The following RPGR variants were observed in gnomAD, a reference collection of about 807,000 sequenced individuals.
RPGR encodes the protein retinitis pigmentosa GTPase regulator.
In RPGR, 10 loss-of-function variants were observed where a neutral mutation model predicts 56.3. The ratio of observed to expected loss-of-function variants is 0.18; its 90% confidence interval spans 0.11 to 0.30. The LOEUF (loss-of-function observed/expected upper bound fraction) is 0.30. RPGR is among the 10% of genes least tolerant of loss of function. The probability of loss-of-function intolerance (pLI) is 1.00; values close to 1 mark genes in which losing one functional copy is unlikely to be tolerated. For synonymous variants in RPGR, 197 were observed against 212.9 expected (o/e 0.93, Z 0.65); for missense variants, 538 against 590.9 (o/e 0.91, Z 0.93).
chrX:38,298,105 T>C (rs893709075), intron 10 of RPGR, among the ~76,000 whole-genome samples: 5 of 109,192 alleles, frequency 4.6e-5, no homozygotes, highest in Admixed American at 3.9e-4. Context: ...CCGTCTCTCC[T>C]AAAAATACAA....
intron 15 of RPGR, chrX:38,284,969 C>A: frequency 9.3e-6 from 7 of 755,701 alleles, no homozygotes; most frequent in Non-Finnish European, 1.1e-5. Flanking sequence ...ACACAGCTGT[C>A]ACTTTGTAGA....
chrX:38,274,437 T>C (rs1401841420), intron 17 of RPGR, among the ~76,000 whole-genome samples: 1 of 112,118 alleles, frequency 8.9e-6, no homozygotes, highest in Non-Finnish European at 1.9e-5. Context: ...GCACTAGAGA[T>C]ATAAATTGGA....
intron 6 of RPGR, among the ~76,000 whole-genome samples, chrX:38,317,012 T>C (rs1366230775): frequency 9.0e-6 from 1 of 111,112 alleles, no homozygotes; most frequent in Admixed American, 9.6e-5. Context: ...ACAGAAAAGG[T>C]TGCCAGTGGG....
intron 6 of RPGR, among the ~76,000 whole-genome samples, chrX:38,311,059 A>G (rs2067707216): frequency 8.9e-6 from 1 of 112,539 alleles, no homozygotes; most frequent in Non-Finnish European, 1.9e-5. Context: ...TTACTTACTT[A>G]AAGCTCCCAT....
At chrX:38,275,537 C>T (rs2066918827) in intron 16 of RPGR, among the ~76,000 whole-genome samples, 1 of 112,045 alleles carries the variant, frequency 8.9e-6, no homozygotes, top group Admixed American at 9.5e-5. Flanking sequence ...ATCATTTTCT[C>T]CTTCTGAAAT....
At chrX:38,270,458 C>CAAAAAAAAAAAAAAAA (rs771458538) in intron 18 of RPGR, among the ~76,000 whole-genome samples, 4 of 76,470 alleles carry the variant, frequency 5.2e-5, no homozygotes, top group Admixed American at 1.6e-4. Flanking sequence ...ACTACAAATA[C>CAAAAAAAAAAAAAAAA]AAAAAAAAAA....
chrX:38,287,818 C>A, intron 14 of RPGR, 43 bp downstream of exon 14: 12 of 1,125,592 alleles, frequency 1.1e-5, no homozygotes, highest in Non-Finnish European at 1.5e-5. Context: ...TAAACCCTCT[C>A]CATCAGTGTC....
At chrX:38,326,981 C>A in intron 1 of RPGR, 1 of 190,920 alleles carries the variant, frequency 5.2e-6, no homozygotes, top group Non-Finnish European at 9.6e-6. Context: ...CGCCTGAACC[C>A]GGGATGCGGA....
chrX:38,269,665 T>C lies in RPGR; in HGVS notation c.2409A>G (p.Thr803=). 3 of 1,208,816 alleles carry C rather than the reference T, an allele frequency of 2.5e-6. No homozygotes were observed. The highest frequency in any genetic ancestry group is 3.4e-6 in the Non-Finnish European group (3 of 892,782). ...AGGATTTTGATCTTCTCTCTGTATT[T>C]GTTGGTGGGATATTCTGATGATTCT... The change falls in exon 19 of 19, where the codon ACA becomes ACG. Residue 803 remains threonine, a synonymous_variant. Coordinates refer to ENST00000642395, the MANE Select transcript of RPGR (RefSeq NM_000328.3).
chrX:38,319,099 C>A, intron 4 of RPGR, 112 bp from the exon 5 acceptor site: 1 of 777,748 alleles, frequency 1.3e-6, no homozygotes, highest in South Asian at 2.3e-5. Context: ...TGAAAGCTAT[C>A]ACTATCCTAT....
chrX:38,293,130 C>T (rs748640267), intron 11 of RPGR, among the ~76,000 whole-genome samples: 1 of 111,723 alleles, frequency 9.0e-6, no homozygotes, highest in Non-Finnish European at 1.9e-5. Flanking sequence ...TTGTTCTTTC[C>T]ACTAAGTTAG....
At chrX:38,292,420 AT>A (rs2067299679) in intron 11 of RPGR, among the ~76,000 whole-genome samples, 1 of 112,114 alleles carries the variant, frequency 8.9e-6, no homozygotes, top group South Asian at 3.7e-4. Flanking sequence ...TTGACTTTAC[AT>A]TTTTCTCAGT....
chrX:38,289,478 TA>T (rs748907243), intron 13 of RPGR, among the ~76,000 whole-genome samples: 216 of 112,429 alleles, frequency 1.9e-3, no homozygotes, highest in African/African-American at 6.9e-3. Flanking sequence ...ATTGTTGATC[TA>T]AATTCTACAA....
Position 38,309,425 on chromosome X carries a change from C to T in RPGR, c.778+1190G>A, listed in dbSNP as rs751399186. Among the ~76,000 whole-genome samples, 26 of 112,257 alleles carry T rather than the reference C, an allele frequency of 2.3e-4. No individual in the cohort carries two copies. In the East Asian group the frequency reaches 6.6e-3, roughly 29 times the overall value. On this transcript the variant is annotated intron_variant, in intron 7 of 18. Transcript: ENST00000642395. ...AACAAAAAGCTTCTCCAAAAGAAGG[C>T]ATTTCAGGAAAAATGTCAATTTTAG... is the stretch of plus-strand genomic sequence containing the variant.
intron 14 of RPGR, chrX:38,287,448 C>T (rs780126936): frequency 8.5e-6 from 5 of 591,456 alleles, no homozygotes; most frequent in Non-Finnish European, 1.4e-5. Context: ...CCTGTTGACT[C>T]TCACTTGCAC....
intron 11 of RPGR, among the ~76,000 whole-genome samples, chrX:38,292,850 G>T (rs1411221999): frequency 1.8e-5 from 2 of 111,307 alleles, no homozygotes; most frequent in Non-Finnish European, 3.8e-5. Flanking sequence ...TTAGAATTCT[G>T]AGGGGCAGAG....
intron 11 of RPGR, among the ~76,000 whole-genome samples, chrX:38,294,271 C>T (rs1437106392): frequency 1.8e-5 from 2 of 111,834 alleles, no homozygotes; most frequent in Admixed American, 9.5e-5. Context: ...TCTTTGCTGG[C>T]TCTTCCTTCT....
chrX:38,270,080 A>T (rs778646714), intron 18 of RPGR, among the ~76,000 whole-genome samples: 1 of 111,665 alleles, frequency 9.0e-6, no homozygotes, highest in East Asian at 2.8e-4. Flanking sequence ...CACCTTGGTG[A>T]TATCTTTTTC....
chrX:38,324,006 G>A (rs1351278090), intron 1 of RPGR, among the ~76,000 whole-genome samples: 1 of 111,918 alleles, frequency 8.9e-6, no homozygotes, highest in African/African-American at 3.2e-5. Context: ...CAGTCAATTT[G>A]GATTTTCTTT....
Sources: allele counts gnomAD v4.1 joint callset (sites outside exome capture counted in the v4.1 genomes callset), GRCh38; gene constraint gnomAD v4.1.1; transcripts MANE v1.5; gene names NCBI Gene and HGNC (gene_info 2026-07-23, HGNC 2026-07-21).